KCNJ4: variants seen among roughly 807,000 people sequenced by gnomAD.
KCNJ4 encodes inward rectifier potassium channel 4.
KCNJ4 carries 3 observed loss-of-function variants against 25.6 expected under a neutral mutation model. The observed-to-expected ratio is 0.12, with a 90% CI of 0.05 to 0.30. KCNJ4 has a LOEUF of 0.30. KCNJ4 is among the 10% of genes least tolerant of loss of function. KCNJ4 has a pLI of 1.00. For missense variants in KCNJ4, 286 were observed against 666.8 expected (o/e 0.43, Z 6.29); for synonymous variants, 257 against 283.9 (o/e 0.91, Z 0.95).
rs144184941 is a variant in KCNJ4 at position 38,440,220 on chromosome 22, G to A, written c.-39-12049C>T. 4.6e-3 allele frequency among the ~76,000 whole-genome samples: 697 copies of A among 151,824 alleles called. 9 individuals carry two copies. The highest frequency in any genetic ancestry group is 0.016 in the African/African-American group (665 of 41,390). On this transcript the variant is annotated intron_variant, in intron 1 of 1. Transcript: ENST00000303592. ...AGCCCAGGAGTTTCAGATCAGCCTCGGCAACATAGTGAAACTCTTTCCCTA... is the reference window on the plus strand; with the variant it reads ...AGCCCAGGAGTTTCAGATCAGCCTCAGCAACATAGTGAAACTCTTTCCCTA...
In KCNJ4 at chr22:38,427,858, C is replaced by T; in HGVS notation, c.275G>A (p.Gly92Glu). 6.2e-7 allele frequency: 1 copy of T among 1,611,042 alleles called. No homozygotes were observed. The highest frequency in any genetic ancestry group is 8.5e-7 in the Non-Finnish European group (1 of 1,178,470). Residue 92 changes from glycine to glutamate, a missense_variant, in exon 2 of 2, where the codon GGG (glycine) becomes GAG (glutamate). Around this residue, in one of 11 missense-constraint regions of KCNJ4, gnomAD observed 22 missense variants for 25.8 expected, o/e 0.85. Coordinates refer to ENST00000303592, the MANE Select transcript of KCNJ4 (RefSeq NM_152868.3). Reference sequence around the variant, plus strand: ...CGCCGGGCCCCCCGCCGCAGGCACCCCTGGGCTGGCCTCCAGGTCACCGTG... The same window carrying T: ...CGCCGGGCCCCCCGCCGCAGGCACCTCTGGGCTGGCCTCCAGGTCACCGTG... ...FFHGDLEASP[G>E]VPAAGGPAAG...
At chr22:38,436,337 A>T (rs1281600627) in intron 1 of KCNJ4, among the ~76,000 whole-genome samples, 1 of 152,140 alleles carries the variant, frequency 6.6e-6, no homozygotes, top group East Asian at 1.9e-4. Flanking sequence ...GGCCCCATCC[A>T]CAGGGCCCTG....
rs1427320389 is a variant in KCNJ4, at chr22:38,443,740, C to T, written c.-40+11240G>A. ...ACGTCCCCTCACCTAGTCATCCACCCCAAAGAGCCACATCACTATTGCAGC... is the reference window on the plus strand; with the variant it reads ...ACGTCCCCTCACCTAGTCATCCACCTCAAAGAGCCACATCACTATTGCAGC... On this transcript the variant is annotated intron_variant, in intron 1 of 1. Transcript: ENST00000303592. This position sits in a 1 kb window ranked among gnomAD's most constrained non-coding sequence, Gnocchi z 4.1. Among the ~76,000 whole-genome samples, 2 of 152,130 alleles carry T rather than the reference C, an allele frequency of 1.3e-5. No homozygotes were observed. Among genetic ancestry groups the T allele is most frequent in the East Asian group, 1.9e-4 (1 of 5,186 alleles).
At chr22:38,428,236 A>C in intron 1 of KCNJ4, 65 bp from the exon 2 acceptor site, 1 of 1,404,216 alleles carries the variant, frequency 7.1e-7, no homozygotes, top group Non-Finnish European at 9.6e-7. Context: ...GGCCACTCAG[A>C]CTCAGCCCCA....
chr22:38,428,152 C>A lies in KCNJ4; in HGVS notation c.-20G>T. 2 of 1,595,714 alleles carry A rather than the reference C, an allele frequency of 1.3e-6. No homozygotes were observed. Among genetic ancestry groups the A allele is most frequent in the South Asian group, 2.2e-5 (2 of 89,166 alleles). ...GTGCATGTCCTGAAGCCGGCGTGGTCACCTGGGAAGACGCAGGGCCTGCGG... is the reference window on the plus strand; with the variant it reads ...GTGCATGTCCTGAAGCCGGCGTGGTAACCTGGGAAGACGCAGGGCCTGCGG... On this transcript the variant is annotated 5_prime_UTR_variant, in exon 2 of 2. Coordinates refer to ENST00000303592, the MANE Select transcript of KCNJ4 (RefSeq NM_152868.3).
intron 1 of KCNJ4, among the ~76,000 whole-genome samples, chr22:38,430,931 G>A (rs993836197): frequency 2.0e-5 from 3 of 152,198 alleles, no homozygotes; most frequent in Non-Finnish European, 4.4e-5. Context: ...CCCTGAACAA[G>A]GCCTCACCCC....
At chr22:38,444,582 G>C (rs970659994) in intron 1 of KCNJ4, among the ~76,000 whole-genome samples, 14 of 152,216 alleles carry the variant, frequency 9.2e-5, no homozygotes, top group Admixed American at 9.2e-4. Context: ...GCCTCACCCA[G>C]GGATGGGTGG....
chr22:38,438,149 G>A (rs183961213), intron 1 of KCNJ4, among the ~76,000 whole-genome samples: 27 of 148,410 alleles, frequency 1.8e-4, no homozygotes, highest in African/African-American at 6.8e-4. Flanking sequence ...TGAGGCAGGA[G>A]AATTGCTTGA....
rs182486253 is a variant in KCNJ4 at position 38,450,913 on chromosome 22, A to T, written c.-40+4067T>A. ...GAGGAACGTTTTCCACTCTTTCCCC[A>T]GGGAAGCCCCAGAGACAGCCCCCGA... On this transcript the variant is annotated intron_variant, in intron 1 of 1. Transcript: ENST00000303592. 4.7e-4 allele frequency among the ~76,000 whole-genome samples: 72 copies of T among 152,254 alleles called. 2 individuals carry two copies. In the East Asian group the frequency reaches 6.6e-3, roughly 14 times the overall value.
rs60276995 is a variant in KCNJ4 at position 38,432,256 on chromosome 22, A to AAAATAAATAAAT, written c.-39-4097_-39-4086dup. Among the ~76,000 whole-genome samples the AAAATAAATAAAT allele has an allele frequency of 8.1e-3, 1,152 of 142,690 alleles. 16 individuals carry two copies. The highest frequency in any genetic ancestry group is 0.037 in the East Asian group (185 of 5,054). 93.6% of individuals were successfully genotyped at this position (142,690 alleles called of 152,430 possible). On this transcript the variant is annotated intron_variant, in intron 1 of 1. Coordinates refer to ENST00000303592, the MANE Select transcript of KCNJ4 (RefSeq NM_152868.3). ...GGGTGACACAGAGAGACTCCATCTCAAAATAAATAAATAAATAAATAAATA... is the reference window on the plus strand; with the variant it reads ...GGGTGACACAGAGAGACTCCATCTCAAAATAAATAAATAAATAAATAAATAAATAAATAAATA...
intron 1 of KCNJ4, among the ~76,000 whole-genome samples, chr22:38,432,500 C>T (rs943307861): frequency 3.3e-5 from 5 of 152,130 alleles, no homozygotes; most frequent in Admixed American, 6.5e-5. Flanking sequence ...TGACCTTGAA[C>T]AAGTTCTTCC....
At chr22:38,448,059 CAA>C (rs11422111) in intron 1 of KCNJ4, among the ~76,000 whole-genome samples, 4 of 104,352 alleles carry the variant, frequency 3.8e-5, no homozygotes, top group Non-Finnish European at 1.9e-5. Context: ...GTGAGACTCT[CAA>C]AAAAAAAAAA....
At chr22:38,452,037 TG>T (rs1041273360) in intron 1 of KCNJ4, among the ~76,000 whole-genome samples, 15 of 152,184 alleles carry the variant, frequency 9.9e-5, no homozygotes, top group African/African-American at 2.9e-4. Context: ...TCATAGCTGT[TG>T]CCTTTGAGGA....
chr22:38,441,055 C>T (rs1028280019), intron 1 of KCNJ4, among the ~76,000 whole-genome samples: 1 of 152,122 alleles, frequency 6.6e-6, no homozygotes, highest in African/African-American at 2.4e-5. Flanking sequence ...GGTCTTAGAC[C>T]CGGCCCCAGC....
At chr22:38,448,265 AAG>A (rs1463884610) in intron 1 of KCNJ4, among the ~76,000 whole-genome samples, 3 of 150,756 alleles carry the variant, frequency 2.0e-5, no homozygotes, top group African/African-American at 7.3e-5. Context: ...AAAAAAAAAA[AAG>A]GAACCCTCCC....
chr22:38,442,725 G>A (rs8141562), intron 1 of KCNJ4, among the ~76,000 whole-genome samples: 68,684 of 151,932 alleles, frequency 0.45, 16,561 homozygotes, highest in East Asian at 0.76. Context: ...TTTGTAAACT[G>A]TAAAGTGCAG....
At position 38,429,103 on chromosome 22, in the gene KCNJ4, A is replaced by AAAAG. The variant is rs1351878848; in HGVS notation, c.-39-936_-39-933dup. Among the ~76,000 whole-genome samples, 629 of 128,732 alleles carry AAAAG rather than the reference A, an allele frequency of 4.9e-3. 50 individuals are homozygous for AAAAG. Among genetic ancestry groups the AAAAG allele is most frequent in the Middle Eastern group, 7.6e-3 (2 of 262 alleles). The allele number at this position is 128,732 out of a possible 152,430, so 84.5% of individuals were successfully genotyped here. On this transcript the variant is annotated intron_variant, in intron 1 of 1. Coordinates refer to ENST00000303592, the MANE Select transcript of KCNJ4 (RefSeq NM_152868.3). ...CATGTCAAAAAAAAAAAAAAAAAAA[A>AAAAG]AAAGAAAGAAAAAGTTCTACTGGGA... is the stretch of plus-strand genomic sequence containing the variant.
intron 1 of KCNJ4, among the ~76,000 whole-genome samples, chr22:38,440,604 G>A (rs2089325430): frequency 6.6e-6 from 1 of 152,188 alleles, no homozygotes; most frequent in Non-Finnish European, 1.5e-5. Flanking sequence ...GTGGCACCCT[G>A]GCCCTTGCCT....
intron 1 of KCNJ4, among the ~76,000 whole-genome samples, chr22:38,448,593 C>T (rs2089391911): frequency 6.6e-6 from 1 of 152,172 alleles, no homozygotes; most frequent in Non-Finnish European, 1.5e-5. Context: ...GCTCGCCTCC[C>T]ACAGACCCCA....
Sources: gnomAD v4.1 joint callset for allele counts (sites outside exome capture counted in the v4.1 genomes callset) on GRCh38, gnomAD v4.1.1 for gene constraint, gnomAD v4.1.1 regional missense constraint, Gnocchi (gnomAD v3.1) non-coding constraint, MANE v1.5 for transcripts, NCBI Gene and HGNC (gene_info 2026-07-23, HGNC 2026-07-21) for gene names.